Variants in SLC35D2 observed in about 807,000 individuals in gnomAD.
SLC35D2 encodes nucleotide sugar transporter SLC35D2.
Under a neutral mutation model 41.8 loss-of-function variants are expected in SLC35D2, and 43 were observed. The observed-to-expected ratio is 1.03, with a 90% CI of 0.81 to 1.33. SLC35D2 has a LOEUF of 1.33. Among genes scored for constraint, SLC35D2 ranks in the 40% most tolerant of loss-of-function variants. SLC35D2 has a pLI of 0.00. For missense variants in SLC35D2, 380 were observed against 408.4 expected (o/e 0.93, Z 0.60); for synonymous variants, 150 against 163.9 (o/e 0.92, Z 0.65).
At chr9:96,346,385 C>T (rs545035076) in intron 6 of SLC35D2, among the ~76,000 whole-genome samples, 3 of 152,208 alleles carry the variant, frequency 2.0e-5, no homozygotes, top group African/African-American at 4.8e-5. Flanking sequence ...AAATGATGAA[C>T]GAGAAGGGTT....
chr9:96,336,581 T>C (rs1053472440), intron 9 of SLC35D2, 136 bp downstream of exon 9: 2 of 621,980 alleles, frequency 3.2e-6, no homozygotes, highest in African/African-American at 3.7e-5. Context: ...GACACCTCCT[T>C]TGCTGCAGGG....
At chr9:96,375,119 G>C (rs1830884394) in intron 1 of SLC35D2, among the ~76,000 whole-genome samples, 1 of 150,126 alleles carries the variant, frequency 6.7e-6, no homozygotes, top group African/African-American at 2.4e-5. Flanking sequence ...AGCCTCCCAA[G>C]TAGCTGGGAT....
At chr9:96,373,411 G>A (rs1014107261) in intron 1 of SLC35D2, among the ~76,000 whole-genome samples, 4 of 152,056 alleles carry the variant, frequency 2.6e-5, no homozygotes, top group Non-Finnish European at 5.9e-5. Context: ...CCTCTCGGCC[G>A]GGAGTGGTAG....
chr9:96,318,644 C>T (rs920303104), downstream of SLC35D2, among the ~76,000 whole-genome samples: 21 of 151,928 alleles, frequency 1.4e-4, no homozygotes, highest in African/African-American at 5.1e-4. Flanking sequence ...CACCACTAAT[C>T]GATTAATTAG....
chr9:96,343,933 T>C lies in SLC35D2; in HGVS notation c.655A>G (p.Ile219Val), dbSNP rs868006228. The C allele has an allele frequency of 6.3e-7, 1 of 1,594,830 alleles. No homozygotes were observed. The highest frequency in any genetic ancestry group is 1.1e-5 in the South Asian group (1 of 87,648). The stretch of plus-strand genomic sequence containing the variant: ...TGCAGGTCTCCAGTGGAGACACTAA[T>C]AATAAGAGTTGGGATAATCATGAAG... ...ACFMIIPTLI[I>V]SVSTGDLQQA... Residue 219 changes from isoleucine to valine, a missense_variant, in exon 8 of 12, where the codon ATT becomes GTT. Ile to Val is a conservative substitution (Grantham distance 29). Coordinates refer to ENST00000253270, the MANE Select transcript of SLC35D2 (RefSeq NM_007001.3).
chr9:96,345,664 G>A lies in SLC35D2; in HGVS notation c.489-263C>T, dbSNP rs60823258. On this transcript the variant is annotated intron_variant, in intron 6 of 11. Coordinates refer to ENST00000253270, the MANE Select transcript of SLC35D2 (RefSeq NM_007001.3). ...CCTTCAACTGCAACCCCTTTCTTTC[G>A]CTAGCTGATGAATCCACATAATAAC... Among the ~76,000 whole-genome samples the A allele has an allele frequency of 2.8e-3, 431 of 152,230 alleles. 2 individuals carry two copies. Among genetic ancestry groups the A allele is most frequent in the African/African-American group, 0.01 (421 of 41,514 alleles).
intron 3 of SLC35D2, 23 bp downstream of exon 3, chr9:96,364,441 C>A: frequency 1.5e-6 from 2 of 1,322,864 alleles, no homozygotes; most frequent in South Asian, 2.4e-5. Context: ...CTATCACAGT[C>A]ATACATACTT....
intron 4 of SLC35D2, among the ~76,000 whole-genome samples, chr9:96,356,573 C>G (rs1167159455): frequency 6.9e-6 from 1 of 144,924 alleles, no homozygotes; most frequent in East Asian, 2.0e-4. Context: ...TTAAAGATAT[C>G]TAGATAGATA....
intron 6 of SLC35D2, among the ~76,000 whole-genome samples, chr9:96,348,963 G>A (rs1449006536): frequency 2.6e-5 from 4 of 151,948 alleles, no homozygotes; most frequent in Non-Finnish European, 5.9e-5. Flanking sequence ...GTAAGTCAGT[G>A]GTTTTCAAAA....
At chr9:96,364,781 G>A (rs6479286) in intron 2 of SLC35D2, among the ~76,000 whole-genome samples, 35,543 of 151,896 alleles carry the variant, frequency 0.23, 5,869 homozygotes, top group African/African-American at 0.48. Context: ...GGCAGGGCAC[G>A]GTGGCTCACA....
intron 9 of SLC35D2, among the ~76,000 whole-genome samples, chr9:96,336,050 C>CAAAAA (rs56681611): frequency 2.7e-5 from 3 of 110,260 alleles, no homozygotes; most frequent in Non-Finnish European, 3.9e-5. Flanking sequence ...ACTCCATCTT[C>CAAAAA]AAAAAAAAAA....
At chr9:96,369,681 G>A (rs866014138) in intron 1 of SLC35D2, among the ~76,000 whole-genome samples, 3 of 152,136 alleles carry the variant, frequency 2.0e-5, no homozygotes, top group Admixed American at 6.6e-5. Flanking sequence ...GAGAAAAGAC[G>A]ATCTTTCAGC....
At chr9:96,381,246 C>T (rs1048899694) in intron 1 of SLC35D2, among the ~76,000 whole-genome samples, 4 of 152,248 alleles carry the variant, frequency 2.6e-5, no homozygotes, top group Non-Finnish European at 4.4e-5. Context: ...CCCCAGATGT[C>T]GGCTCTCAAC....
intron 7 of SLC35D2, among the ~76,000 whole-genome samples, chr9:96,344,740 A>AGGGGGGGG (rs1829503069): frequency 9.5e-6 from 1 of 105,174 alleles, no homozygotes; most frequent in Non-Finnish European, 2.0e-5. Flanking sequence ...GGGGAGGGGG[A>AGGGGGGGG]GGGATGGGGC....
At position 96,379,566 on chromosome 9, in the gene SLC35D2, C is replaced by A. The variant is rs532736166; in HGVS notation, c.158+3911G>T. 2.0e-5 allele frequency among the ~76,000 whole-genome samples: 3 copies of A among 152,274 alleles called. No homozygotes were observed. The South Asian group carries it at 6.2e-4, about 32-fold the overall frequency. ...CCTGAGCTACATTCCCATGACCCTG[C>A]GAATTAGGTAACTACCAAAAGGTCC... On this transcript the variant is annotated intron_variant, in intron 1 of 11. Transcript: ENST00000253270.
chr9:96,372,933 G>A lies in SLC35D2; in HGVS notation c.159-4628C>T, dbSNP rs1454025575. Among the ~76,000 whole-genome samples, 12 of 144,334 alleles carry A rather than the reference G, an allele frequency of 8.3e-5. 1 individual carries two copies. Among genetic ancestry groups the A allele is most frequent in the Admixed American group, 2.1e-4 (3 of 14,184 alleles). 94.7% of individuals were successfully genotyped at this position (144,334 alleles called of 152,430 possible). Reference sequence around the variant, plus strand: ...TTTTTTTTTTTTGAGACAGAGTTTCGCTCTTGCCCAGGTTGGAGTACAATA... The same window carrying A: ...TTTTTTTTTTTTGAGACAGAGTTTCACTCTTGCCCAGGTTGGAGTACAATA... On this transcript the variant is annotated intron_variant, in intron 1 of 11. Transcript: ENST00000253270.
chr9:96,373,058 C>A (rs950668501), intron 1 of SLC35D2, among the ~76,000 whole-genome samples: 1 of 151,856 alleles, frequency 6.6e-6, no homozygotes, highest in Admixed American at 6.6e-5. Flanking sequence ...CACCACCACG[C>A]CTGGCTAATT....
Position 96,372,574 on chromosome 9 carries a change from C to CTTTTT in SLC35D2, c.159-4274_159-4270dup, listed in dbSNP as rs71368250. Among the ~76,000 whole-genome samples the CTTTTT allele has an allele frequency of 1.2e-4, 11 of 90,142 alleles. 1 individual carries two copies. The highest frequency in any genetic ancestry group is 7.5e-4 in the South Asian group (2 of 2,672). 59.1% of individuals were successfully genotyped at this position (90,142 alleles called of 152,430 possible). On this transcript the variant is annotated intron_variant, in intron 1 of 11. Coordinates refer to ENST00000253270, the MANE Select transcript of SLC35D2 (RefSeq NM_007001.3). ...TCTGAGCTAAATAATTAAATAATTA[C>CTTTTT]TTTTTTTTTTTTTTTTTTTTTTTTT...
intron 9 of SLC35D2, among the ~76,000 whole-genome samples, chr9:96,324,387 G>C (rs767017118): frequency 2.6e-5 from 4 of 152,056 alleles, no homozygotes; most frequent in Non-Finnish European, 5.9e-5. Context: ...TCTACTTAAG[G>C]TATCCTTCTC....
Sources: gnomAD v4.1 joint callset for allele counts (sites outside exome capture counted in the v4.1 genomes callset) on GRCh38, gnomAD v4.1.1 for gene constraint, MANE v1.5 for transcripts, NCBI Gene and HGNC (gene_info 2026-07-23, HGNC 2026-07-21) for gene names.